Variants in ZFHX3 observed in about 807,000 individuals in gnomAD.
ZFHX3 encodes zinc finger homeobox 3.
A neutral mutation model predicts 279.1 loss-of-function variants in ZFHX3; 42 were observed. The ratio of observed to expected loss-of-function variants is 0.15; its 90% confidence interval spans 0.12 to 0.19. The LOEUF is 0.19. Ranked by LOEUF, ZFHX3 falls within the 10% of genes least tolerant of loss-of-function variation. ZFHX3 has a pLI of 1.00. For synonymous variants in ZFHX3, 2,293 were observed against 1,957.8 expected (o/e 1.17, Z -4.52); for missense variants, 4,981 against 4,754.0 (o/e 1.05, Z -1.40).
chr16:73,586,417 CAAACAAACAAAA>C (rs1270044166), intron 2 of ZFHX3, among the ~76,000 whole-genome samples: 10 of 142,678 alleles, frequency 7.0e-5, no homozygotes, highest in African/African-American at 2.5e-4. Context: ...AACAAACAAA[CAAACAAACAAAA>C]AAACATACAG....
intron 2 of ZFHX3, among the ~76,000 whole-genome samples, chr16:73,586,389 A>AAAACAAAC (rs145424169): frequency 5.9e-4 from 87 of 146,768 alleles, no homozygotes; most frequent in African/African-American, 1.8e-3. Context: ...ACTCTATCTC[A>AAAACAAAC]AAACAAACAA....
At chr16:73,135,085 A>G (rs1597173186) in intron 6 of ZFHX3, among the ~76,000 whole-genome samples, 1 of 152,316 alleles carries the variant, frequency 6.6e-6, no homozygotes, top group Middle Eastern at 3.4e-3. Flanking sequence ...GAATACCAAT[A>G]TATTTAAGTG....
intron 5 of ZFHX3, among the ~76,000 whole-genome samples, chr16:73,243,860 A>G (rs969829051): frequency 2.0e-5 from 3 of 152,170 alleles, no homozygotes; most frequent in Admixed American, 6.5e-5. Context: ...TTTGGAATTG[A>G]TAATAATAAT....
At chr16:72,814,889 T>C (rs888526038) in intron 5 of ZFHX3, among the ~76,000 whole-genome samples, 2 of 152,230 alleles carry the variant, frequency 1.3e-5, no homozygotes, top group African/African-American at 4.8e-5. Context: ...TGCAGCTCAC[T>C]GGCCCCTTCT....
chr16:72,957,267 G>C (rs1042141081), intron 2 of ZFHX3, among the ~76,000 whole-genome samples, 160 bp downstream of exon 2: 1 of 152,038 alleles, frequency 6.6e-6, no homozygotes, highest in African/African-American at 2.4e-5. Flanking sequence ...ACAGTTCAAG[G>C]GATTCTTGAG....
Position 73,371,776 on chromosome 16 carries a change from G to A in ZFHX3, c.-1290-53440C>T, listed in dbSNP as rs532175798. Among the ~76,000 whole-genome samples, 5 of 152,270 alleles carry A rather than the reference G, an allele frequency of 3.3e-5. No individual in the cohort carries two copies. The South Asian group carries it at 1.0e-3, about 32-fold the overall frequency. On this transcript the variant is annotated intron_variant, in intron 3 of 17. Coordinates refer to the ZFHX3 transcript ENST00000641206. ...ACCTCGCTCCACTTCCTGGTTTATTGCTGCCTGGTTTGGGGCCCTGAAGTC... is the reference window on the plus strand; with the variant it reads ...ACCTCGCTCCACTTCCTGGTTTATTACTGCCTGGTTTGGGGCCCTGAAGTC...
intron 2 of ZFHX3, among the ~76,000 whole-genome samples, chr16:73,560,674 GATCAATAA>G (rs752511798): frequency 3.9e-5 from 6 of 152,176 alleles, no homozygotes; most frequent in Non-Finnish European, 8.8e-5. Context: ...TGAACTACCT[GATCAATAA>G]ATAGCACGTG....
chr16:73,784,797 ATATAT>A (rs1567409705), intron 1 of ZFHX3, among the ~76,000 whole-genome samples: 2 of 78,130 alleles, frequency 2.6e-5, no homozygotes, highest in African/African-American at 7.4e-5. Flanking sequence ...AAAAAAAAAA[ATATAT>A]ATATATATAT....
chr16:72,940,069 C>G (rs775598082), intron 3 of ZFHX3, among the ~76,000 whole-genome samples: 21 of 151,786 alleles, frequency 1.4e-4, no homozygotes, highest in Admixed American at 3.9e-4. Flanking sequence ...GCCGCCACAC[C>G]TGGCTAATTT....
At chr16:73,369,653 A>G (rs746446438) in intron 3 of ZFHX3, among the ~76,000 whole-genome samples, 1 of 152,186 alleles carries the variant, frequency 6.6e-6, no homozygotes, top group African/African-American at 2.4e-5. Flanking sequence ...ATGCACCAGG[A>G]CCACCTGTGA....
At chr16:73,228,876 G>A (rs1181360414) in intron 5 of ZFHX3, among the ~76,000 whole-genome samples, 1 of 152,136 alleles carries the variant, frequency 6.6e-6, no homozygotes, top group Non-Finnish European at 1.5e-5. Context: ...CAGGAGATAA[G>A]GAAACAGCTG....
At chr16:72,942,750 A>G (rs2144353370) in intron 3 of ZFHX3, among the ~76,000 whole-genome samples, 1 of 152,254 alleles carries the variant, frequency 6.6e-6, no homozygotes, top group South Asian at 2.1e-4. Flanking sequence ...CCCCTTTTTT[A>G]AGATAAATGG....
At chr16:73,701,120 G>A (rs1161948130) in intron 1 of ZFHX3, among the ~76,000 whole-genome samples, 1 of 152,122 alleles carries the variant, frequency 6.6e-6, no homozygotes. Context: ...AAGTTTAAAT[G>A]GAAAGGAAAA....
chr16:73,725,089 C>A (rs758353233), intron 1 of ZFHX3, among the ~76,000 whole-genome samples: 1 of 152,128 alleles, frequency 6.6e-6, no homozygotes, highest in Non-Finnish European at 1.5e-5. Context: ...GGGCCTCAGT[C>A]GAGATGTAGA....
rs573863395 is a variant in ZFHX3, at chr16:73,478,976, C to T, written c.-1546-22718G>A. Among the ~76,000 whole-genome samples, 57 of 152,190 alleles carry T rather than the reference C, an allele frequency of 3.7e-4. No homozygotes were observed. The South Asian group carries it at 0.011, about 29-fold the overall frequency. On this transcript the variant is annotated intron_variant, in intron 2 of 17. Coordinates refer to the ZFHX3 transcript ENST00000641206. ...CTGAGGCCGGGGAATTGCTTGAACCCGGGAGGCAGATGTTGCAGTGAGCCG... is the reference window on the plus strand; with the variant it reads ...CTGAGGCCGGGGAATTGCTTGAACCTGGGAGGCAGATGTTGCAGTGAGCCG...
chr16:72,801,848 A>G (rs1238369077), intron 7 of ZFHX3, among the ~76,000 whole-genome samples: 1 of 151,822 alleles, frequency 6.6e-6, no homozygotes, highest in African/African-American at 2.4e-5. Context: ...GAGAAGTGAA[A>G]GGTCACCGAT....
intron 5 of ZFHX3, among the ~76,000 whole-genome samples, chr16:73,187,217 AACTTCTTTGAGTGACAGCATT>A (rs1967932600): frequency 2.0e-5 from 3 of 152,040 alleles, no homozygotes. Flanking sequence ...TTAAATTAAC[AACTTCTTTGAGTGACAGCATT>A]TCTTCCTTTC....
chr16:73,245,967 C>T (rs917179857), intron 5 of ZFHX3, among the ~76,000 whole-genome samples: 8 of 152,046 alleles, frequency 5.3e-5, no homozygotes, highest in African/African-American at 1.7e-4. Context: ...GAGATGTGGG[C>T]CTTGGGCTGC....
intron 1 of ZFHX3, among the ~76,000 whole-genome samples, chr16:73,781,815 C>T (rs1314049057): frequency 6.6e-6 from 1 of 152,006 alleles, no homozygotes; most frequent in Non-Finnish European, 1.5e-5. Flanking sequence ...AGTGAAACCC[C>T]GTCTCTACTA....
Sources: allele counts gnomAD v4.1 joint callset (sites outside exome capture counted in the v4.1 genomes callset), GRCh38; gene constraint gnomAD v4.1.1; transcripts MANE v1.5; gene names NCBI Gene and HGNC (gene_info 2026-07-23, HGNC 2026-07-21).